Variants in NUDT3 observed in about 807,000 individuals in gnomAD.
NUDT3 encodes diphosphoinositol polyphosphate phosphohydrolase 1.
Under a neutral mutation model 23.6 loss-of-function variants are expected in NUDT3, and 9 were observed. The observed-to-expected ratio is 0.38, with a 90% CI of 0.23 to 0.66. The LOEUF (loss-of-function observed/expected upper bound fraction) is 0.66, where lower values mean the gene tolerates loss of function less well. NUDT3 is among the 30% of genes least tolerant of loss of function. The pLI is 0.52. For synonymous variants in NUDT3, 86 were observed against 82.6 expected, an observed-to-expected ratio of 1.04 and a Z score of -0.22; for missense variants, 172 against 218.5, an observed-to-expected ratio of 0.79 and a Z score of 1.34.
chr6:34,368,051 A>C (rs1764766705), intron 1 of NUDT3, among the ~76,000 whole-genome samples: 1 of 152,034 alleles, frequency 6.6e-6, no homozygotes, highest in African/African-American at 2.4e-5. Flanking sequence ...AAATACAAAA[A>C]TTATCCCGGC....
chr6:34,343,090 A>G (rs1203063307), intron 1 of NUDT3, among the ~76,000 whole-genome samples: 1 of 152,230 alleles, frequency 6.6e-6, no homozygotes, highest in African/African-American at 2.4e-5. Flanking sequence ...ATCCATACTC[A>G]GTCACTAATA....
At chr6:34,339,845 T>C (rs2113733298) in intron 2 of NUDT3, among the ~76,000 whole-genome samples, 1 of 152,356 alleles carries the variant, frequency 6.6e-6, no homozygotes, top group South Asian at 2.1e-4. Flanking sequence ...AAGCTAAATT[T>C]CTAACAAAAT....
At chr6:34,339,201 A>C (rs1217959317) in intron 2 of NUDT3, among the ~76,000 whole-genome samples, 2 of 152,244 alleles carry the variant, frequency 1.3e-5, no homozygotes, top group Non-Finnish European at 2.9e-5. Flanking sequence ...TGACTAAAGC[A>C]ATCTTGTTCA....
chr6:34,352,693 G>A (rs1432939102), intron 1 of NUDT3, among the ~76,000 whole-genome samples: 3 of 152,160 alleles, frequency 2.0e-5, no homozygotes, highest in Non-Finnish European at 2.9e-5. Context: ...TCCCAAGGTA[G>A]CATGAACTTA....
chr6:34,332,505 T>G (rs1263548625), intron 2 of NUDT3, among the ~76,000 whole-genome samples: 2 of 152,138 alleles, frequency 1.3e-5, no homozygotes, highest in Non-Finnish European at 2.9e-5. Flanking sequence ...CTCAGTATAA[T>G]GGTGTAACTT....
intron 1 of NUDT3, among the ~76,000 whole-genome samples, chr6:34,360,398 AC>A (rs369377268): frequency 6.6e-6 from 1 of 151,844 alleles, no homozygotes; most frequent in South Asian, 2.1e-4. Flanking sequence ...ACATGGTGAA[AC>A]CCTGTCTCTA....
chr6:34,389,579 G>A (rs377722053), intron 1 of NUDT3, among the ~76,000 whole-genome samples: 1 of 151,598 alleles, frequency 6.6e-6, no homozygotes, highest in Non-Finnish European at 1.5e-5. Context: ...GATTGCTTGA[G>A]CATAGGAGGT....
chr6:34,344,942 C>A (rs561368123), intron 1 of NUDT3, among the ~76,000 whole-genome samples: 2 of 151,930 alleles, frequency 1.3e-5, no homozygotes, highest in African/African-American at 4.8e-5. Context: ...TGAGCCACTG[C>A]GCCAGGCTGA....
chr6:34,389,044 G>A (rs1301247797), intron 1 of NUDT3, among the ~76,000 whole-genome samples: 1 of 152,210 alleles, frequency 6.6e-6, no homozygotes, highest in Non-Finnish European at 1.5e-5. Context: ...GAGATGGGAG[G>A]ATCTCTTGAG....
rs1763310112 is a variant in NUDT3 at position 34,284,276 on chromosome 6, TA to T, written c.*4476del. ...TGTCCCACAAGTGTCCTGTGTTTTG[TA>T]AAGATGAGGGTTATTTTCTGAAATG... On this transcript the variant is annotated 3_prime_UTR_variant, in exon 5 of 5. Transcript: ENST00000607016. 1 of 152,160 alleles carries T rather than the reference TA, an allele frequency of 6.6e-6. No individual in the cohort carries two copies. The highest frequency in any genetic ancestry group is 2.4e-5 in the African/African-American group (1 of 41,434). 9.4% of individuals were successfully genotyped at this position (152,160 alleles called of 1,614,324 possible).
intron 1 of NUDT3, among the ~76,000 whole-genome samples, chr6:34,385,019 A>G (rs1402031974): frequency 7.3e-6 from 1 of 136,576 alleles, no homozygotes. Flanking sequence ...ACAGAGCAAG[A>G]CCCTGCCTCC....
chr6:34,382,646 G>C (rs1416643676), intron 1 of NUDT3, among the ~76,000 whole-genome samples: 1 of 151,748 alleles, frequency 6.6e-6, no homozygotes, highest in Non-Finnish European at 1.5e-5. Flanking sequence ...ACCAGCCTGA[G>C]CAACATAGCA....
intron 2 of NUDT3, among the ~76,000 whole-genome samples, chr6:34,297,588 A>G (rs1763520503): frequency 6.8e-6 from 1 of 146,854 alleles, no homozygotes; most frequent in African/African-American, 2.5e-5. Context: ...CCCAGGCTGG[A>G]GTGCAGTGGC....
chr6:34,290,245 C>CA (rs1554148425), intron 4 of NUDT3, among the ~76,000 whole-genome samples: 6 of 143,938 alleles, frequency 4.2e-5, no homozygotes, highest in African/African-American at 1.3e-4. Context: ...TTCTTTCTCT[C>CA]TTTTTTTTTT....
chr6:34,320,849 T>C (rs1344087480), intron 2 of NUDT3, among the ~76,000 whole-genome samples: 1 of 151,872 alleles, frequency 6.6e-6, no homozygotes, highest in Non-Finnish European at 1.5e-5. Context: ...AATAAATAAA[T>C]AGTCCACATT....
rs988260441 is a variant in NUDT3, at chr6:34,286,369, C to A, written c.*2384G>T. The A allele has an allele frequency of 4.6e-5, 7 of 152,286 alleles. No individual in the cohort carries two copies. Among genetic ancestry groups the A allele is most frequent in the Admixed American group, 3.9e-4 (6 of 15,276 alleles). 9.4% of individuals were successfully genotyped at this position (152,286 alleles called of 1,614,324 possible). ...GTGCTGGGATTACAGGTGTGAGCCA[C>A]TACACCCAGCCCTGCAGTCCCTTTT... is the stretch of plus-strand genomic sequence containing the variant. On this transcript the variant is annotated 3_prime_UTR_variant, in exon 5 of 5. Coordinates refer to ENST00000607016, the MANE Select transcript of NUDT3 (RefSeq NM_006703.4).
chr6:34,330,726 G>A (rs1386432144), intron 2 of NUDT3, among the ~76,000 whole-genome samples: 1 of 152,106 alleles, frequency 6.6e-6, no homozygotes, highest in Non-Finnish European at 1.5e-5. Context: ...ACTTGAGCCA[G>A]GGAGGTGGAG....
intron 1 of NUDT3, among the ~76,000 whole-genome samples, chr6:34,391,984 C>G (rs1316231139): frequency 2.0e-5 from 3 of 152,080 alleles, no homozygotes; most frequent in African/African-American, 7.2e-5. Flanking sequence ...CGCGGCCGCT[C>G]TCCCCGGTAA....
At chr6:34,346,828 T>C (rs570108312) in intron 1 of NUDT3, among the ~76,000 whole-genome samples, 103 of 152,322 alleles carry the variant, frequency 6.8e-4, no homozygotes, top group African/African-American at 2.3e-3. Context: ...GGATCAAAGT[T>C]CACTGCAGCC....
Sources: allele counts gnomAD v4.1 joint callset (sites outside exome capture counted in the v4.1 genomes callset), GRCh38; gene constraint gnomAD v4.1.1; transcripts MANE v1.5; gene names NCBI Gene and HGNC (gene_info 2026-07-23, HGNC 2026-07-21).